Variants in PTGFRN observed in about 807,000 individuals in gnomAD.
PTGFRN encodes prostaglandin F2 receptor negative regulator.
A neutral mutation model predicts 83.2 loss-of-function variants in PTGFRN; 35 were observed. The observed-to-expected ratio is 0.42, with a 90% confidence interval of 0.32 to 0.56. PTGFRN has a LOEUF of 0.56. Among genes scored for constraint, PTGFRN ranks in the 20% least tolerant of loss-of-function variants. The probability of loss-of-function intolerance (pLI) is 0.11; values close to 1 mark genes in which losing one functional copy is unlikely to be tolerated. For missense variants in PTGFRN, 1,051 were observed against 1,179.5 expected, an observed-to-expected ratio of 0.89 and a Z score of 1.60; for synonymous variants, 519 against 498.6, an observed-to-expected ratio of 1.04 and a Z score of -0.55.
chr1:116,917,826 T>C (rs1249549257), intron 1 of PTGFRN, among the ~76,000 whole-genome samples: 2 of 152,098 alleles, frequency 1.3e-5, no homozygotes, highest in Non-Finnish European at 2.9e-5. Flanking sequence ...TCTTGCTATG[T>C]TTCTCGGACT....
intron 6 of PTGFRN, among the ~76,000 whole-genome samples, chr1:116,970,174 G>A (rs1162249278): frequency 2.0e-5 from 3 of 152,132 alleles, no homozygotes; most frequent in African/African-American, 7.2e-5. Context: ...TCTTGTTTCT[G>A]ATCATAGGGG....
At chr1:116,948,872 A>C (rs911980806) in intron 3 of PTGFRN, among the ~76,000 whole-genome samples, 1 of 152,216 alleles carries the variant, frequency 6.6e-6, no homozygotes, top group Admixed American at 6.5e-5. Flanking sequence ...TCTGTGCTTC[A>C]ATTTCCTCAT....
At chr1:116,978,268 A>T (rs1407027052) in intron 7 of PTGFRN, among the ~76,000 whole-genome samples, 1 of 152,232 alleles carries the variant, frequency 6.6e-6, no homozygotes, top group Non-Finnish European at 1.5e-5. Context: ...GAGCAGACGG[A>T]TTCACAGCCG....
At chr1:116,972,405 C>G (rs981616540) in intron 6 of PTGFRN, among the ~76,000 whole-genome samples, 1 of 152,188 alleles carries the variant, frequency 6.6e-6, no homozygotes, top group African/African-American at 2.4e-5. Context: ...TATAACCATC[C>G]TTTACCTTTC....
At chr1:116,926,152 A>G (rs1427455027) in intron 1 of PTGFRN, among the ~76,000 whole-genome samples, 1 of 152,238 alleles carries the variant, frequency 6.6e-6, no homozygotes, top group Non-Finnish European at 1.5e-5. Context: ...AACGGGAGAG[A>G]GGACAGAGCT....
At chr1:116,920,204 T>G (rs1649504341) in intron 1 of PTGFRN, among the ~76,000 whole-genome samples, 1 of 152,236 alleles carries the variant, frequency 6.6e-6, no homozygotes, top group Admixed American at 6.5e-5. Context: ...GCAGCCCATT[T>G]CCTGCACACT....
chr1:116,927,136 A>G (rs964648652), intron 1 of PTGFRN, among the ~76,000 whole-genome samples: 1 of 152,162 alleles, frequency 6.6e-6, no homozygotes, highest in Non-Finnish European at 1.5e-5. Context: ...GCACCTTCAC[A>G]TCTGTCCCAC....
intron 1 of PTGFRN, among the ~76,000 whole-genome samples, chr1:116,924,416 A>G (rs1649606815): frequency 6.6e-6 from 1 of 152,172 alleles, no homozygotes; most frequent in African/African-American, 2.4e-5. Context: ...AAGGGCTGGG[A>G]TTACAGGCGT....
At chr1:116,939,900 C>T (rs1650018498) in intron 1 of PTGFRN, among the ~76,000 whole-genome samples, 2 of 152,172 alleles carry the variant, frequency 1.3e-5, no homozygotes. Context: ...CAAAATGCTG[C>T]CATTCTCTTT....
At chr1:116,960,773 C>T (rs1243683150) in intron 4 of PTGFRN, among the ~76,000 whole-genome samples, 5 of 152,146 alleles carry the variant, frequency 3.3e-5, no homozygotes, top group Non-Finnish European at 5.9e-5. Context: ...GCCACTGTGC[C>T]ACTGATGGGC....
Position 116,941,944 on chromosome 1 carries a change from G to A in PTGFRN, c.279G>A (p.Leu93=). The A allele has an allele frequency of 2.5e-6, 4 of 1,614,196 alleles. No homozygotes were observed. Among genetic ancestry groups the A allele is most frequent in the Non-Finnish European group, 3.4e-6 (4 of 1,180,046 alleles). Residue 93 remains leucine (L), a synonymous_variant, in exon 2 of 9, where the codon CTG becomes CTA. Coordinates refer to ENST00000393203, the MANE Select transcript of PTGFRN (RefSeq NM_020440.4). The surrounding 1 kb of genome is among the most constrained non-coding windows in gnomAD (Gnocchi z 5.0). The part of the protein sequence containing the change: ...YQERLQRGEI[L]LRRTANDAVE... ...AGCGGCTGCAGAGGGGCGAGATCCTGTTAAGGCGGACTGCCAACGACGCCG... is the reference window on the plus strand; with the variant it reads ...AGCGGCTGCAGAGGGGCGAGATCCTATTAAGGCGGACTGCCAACGACGCCG...
chr1:116,949,421 C>T lies in PTGFRN; in HGVS notation c.1062C>T (p.Arg354=), dbSNP rs751744433. The T allele has an allele frequency of 8.7e-6, 14 of 1,614,266 alleles. No homozygotes were observed. The East Asian group carries it at 3.1e-4, about 36-fold the overall frequency. The stretch of plus-strand genomic sequence containing the variant: ...TTGCTTTGAGTCATGTGGATGCACG[C>T]TCCTACCATTTACTGGTTCGGGATG... ...PHVALSHVDA[R]SYHLLVRDVS... is the part of the protein sequence containing the mutation. The change falls in exon 4 of 9, where the codon CGC becomes CGT. Residue 354 remains arginine (R), a synonymous_variant. Coordinates refer to ENST00000393203, the MANE Select transcript of PTGFRN (RefSeq NM_020440.4).
intron 3 of PTGFRN, 33 bp from the exon 4 acceptor site, chr1:116,949,159 A>G: frequency 1.3e-6 from 2 of 1,535,574 alleles, no homozygotes; most frequent in African/African-American, 1.4e-5. Context: ...ACATAATCAG[A>G]TTACCTAGAT....
At chr1:116,911,550 CAGCCACAT>C (rs1461830547) in intron 1 of PTGFRN, among the ~76,000 whole-genome samples, 4 of 152,236 alleles carry the variant, frequency 2.6e-5, no homozygotes, top group Admixed American at 2.0e-4. Context: ...AGAGCTCGTC[CAGCCACAT>C]TGCTTCAGCT....
At chr1:116,914,759 A>T (rs1649358149) in intron 1 of PTGFRN, among the ~76,000 whole-genome samples, 1 of 151,952 alleles carries the variant, frequency 6.6e-6, no homozygotes, top group Non-Finnish European at 1.5e-5. Context: ...GTCTCAAAAA[A>T]AAAAAAGGAA....
At chr1:116,962,755 C>T (rs1381714168) in intron 5 of PTGFRN, among the ~76,000 whole-genome samples, 1 of 152,196 alleles carries the variant, frequency 6.6e-6, no homozygotes, top group Non-Finnish European at 1.5e-5. Flanking sequence ...CTGTACCGCT[C>T]CGTCTAGTAC....
chr1:116,937,573 T>G (rs1649952779), intron 1 of PTGFRN, among the ~76,000 whole-genome samples: 1 of 152,142 alleles, frequency 6.6e-6, no homozygotes, highest in Non-Finnish European at 1.5e-5. Flanking sequence ...AAATATGATT[T>G]TGGCAGCCCT....
chr1:116,964,189 G>A (rs1033938166), intron 5 of PTGFRN, among the ~76,000 whole-genome samples: 15 of 152,146 alleles, frequency 9.9e-5, no homozygotes, highest in South Asian at 2.1e-4. Context: ...AATATTTGAC[G>A]TATATATACT....
At chr1:116,933,547 C>G (rs1394649268) in intron 1 of PTGFRN, among the ~76,000 whole-genome samples, 1 of 152,212 alleles carries the variant, frequency 6.6e-6, no homozygotes. Flanking sequence ...ACTTTGCCTT[C>G]TCACATTTCC....
Sources: gnomAD v4.1 joint callset for allele counts (sites outside exome capture counted in the v4.1 genomes callset) on GRCh38, gnomAD v4.1.1 for gene constraint, Gnocchi (gnomAD v3.1) non-coding constraint, MANE v1.5 for transcripts, NCBI Gene and HGNC (gene_info 2026-07-23, HGNC 2026-07-21) for gene names.